FRMPD4: variants seen among roughly 807,000 people sequenced by gnomAD.
FRMPD4 encodes the protein FERM and PDZ domain containing 4, also known as FERM and PDZ domain-containing protein 4.
In FRMPD4, 22 loss-of-function variants were observed where a neutral mutation model predicts 94.1. The observed-to-expected ratio is 0.23, with a 90% CI of 0.17 to 0.33. The LOEUF (loss-of-function observed/expected upper bound fraction) is 0.33, where lower values mean the gene tolerates loss of function less well. Among genes scored for constraint, FRMPD4 ranks in the 10% least tolerant of loss-of-function variants. The pLI is 1.00. For synonymous variants in FRMPD4, 631 were observed against 548.6 expected (o/e 1.15, Z -2.10); for missense variants, 1,111 against 1,339.9 (o/e 0.83, Z 2.67).
intron 1 of FRMPD4, among the ~76,000 whole-genome samples, chrX:12,479,341 T>C (rs1337426148): frequency 4.1e-5 from 1 of 24,300 alleles, no homozygotes; most frequent in African/African-American, 1.4e-4. Context: ...TGAGCAACAG[T>C]CTGTATATAT....
At chrX:12,200,680 T>G (rs1404849666) in intron 1 of FRMPD4, among the ~76,000 whole-genome samples, 1 of 111,250 alleles carries the variant, frequency 9.0e-6, no homozygotes, top group African/African-American at 3.3e-5. Context: ...TAATGAGTTA[T>G]GGTGAAACTC....
intron 2 of FRMPD4, among the ~76,000 whole-genome samples, chrX:12,511,599 A>C (rs1195579697): frequency 8.9e-6 from 1 of 111,830 alleles, no homozygotes; most frequent in Non-Finnish European, 1.9e-5. Flanking sequence ...GAAGTAATCA[A>C]GTCAGAGGAT....
intron 4 of FRMPD4, among the ~76,000 whole-genome samples, chrX:12,640,161 T>C (rs1282963104): frequency 1.9e-5 from 2 of 108,041 alleles, no homozygotes; most frequent in East Asian, 2.9e-4. Flanking sequence ...TAGCCAGGCA[T>C]TGTGGCTCAC....
intron 1 of FRMPD4, among the ~76,000 whole-genome samples, chrX:11,849,204 A>G (rs893256004): frequency 4.5e-5 from 5 of 111,918 alleles, no homozygotes; most frequent in African/African-American, 1.6e-4. Context: ...TTCATTTACA[A>G]TAGCATCAAA....
At chrX:12,257,763 CTATTT>C (rs2054134957) in intron 1 of FRMPD4, among the ~76,000 whole-genome samples, 1 of 111,441 alleles carries the variant, frequency 9.0e-6, no homozygotes, top group Non-Finnish European at 1.9e-5. Context: ...CCCTGAAAAA[CTATTT>C]TAAGTAGTAC....
chrX:12,659,650 C>G (rs1256446261), intron 4 of FRMPD4, among the ~76,000 whole-genome samples: 2 of 112,753 alleles, frequency 1.8e-5, no homozygotes, highest in African/African-American at 3.2e-5. Context: ...TCCCAAATGC[C>G]TGGCCCCAGG....
chrX:12,390,616 G>A (rs771340653), intron 1 of FRMPD4, among the ~76,000 whole-genome samples: 95 of 111,651 alleles, frequency 8.5e-4, no homozygotes, highest in South Asian at 1.9e-3. Context: ...TGCAGAGAAG[G>A]CTAGAAATTG....
intron 1 of FRMPD4, among the ~76,000 whole-genome samples, chrX:11,844,391 C>T (rs1344678813): frequency 9.1e-6 from 1 of 110,460 alleles, no homozygotes; most frequent in Non-Finnish European, 1.9e-5. Context: ...TTGTGGTTGA[C>T]ATTTTATTTT....
intron 2 of FRMPD4, among the ~76,000 whole-genome samples, chrX:12,507,472 G>T (rs1289227222): frequency 8.9e-6 from 1 of 112,089 alleles, no homozygotes; most frequent in Non-Finnish European, 1.9e-5. Context: ...TGACCCATGA[G>T]CTATATAGTA....
At chrX:12,479,445 T>C (rs866289210) in intron 1 of FRMPD4, among the ~76,000 whole-genome samples, 2 of 54,576 alleles carry the variant, frequency 3.7e-5, no homozygotes, top group Admixed American at 4.5e-4. Flanking sequence ...CACACATATA[T>C]GTATATATAT....
intron 1 of FRMPD4, among the ~76,000 whole-genome samples, chrX:12,330,249 G>A (rs1414518452): frequency 3.6e-5 from 4 of 111,084 alleles, no homozygotes. Flanking sequence ...ATTAAATTAG[G>A]GAAGTAATGA....
intron 1 of FRMPD4, among the ~76,000 whole-genome samples, chrX:11,854,309 C>G (rs1254945411): frequency 1.8e-5 from 2 of 111,558 alleles, no homozygotes; most frequent in African/African-American, 6.5e-5. Context: ...GGTGGGGACA[C>G]AGCCAAACCA....
At chrX:12,232,786 CA>C (rs1245835287) in intron 1 of FRMPD4, among the ~76,000 whole-genome samples, 1 of 111,725 alleles carries the variant, frequency 9.0e-6, no homozygotes, top group Non-Finnish European at 1.9e-5. Flanking sequence ...ACCATATAAT[CA>C]GCGATGAGCT....
At chrX:12,525,684 C>T (rs2058215810) in intron 2 of FRMPD4, among the ~76,000 whole-genome samples, 1 of 112,113 alleles carries the variant, frequency 8.9e-6, no homozygotes, top group African/African-American at 3.2e-5. Flanking sequence ...AGTAAAATTG[C>T]TGGATCATAT....
chrX:12,659,606 G>T (rs945691176), intron 4 of FRMPD4, among the ~76,000 whole-genome samples: 1 of 112,604 alleles, frequency 8.9e-6, no homozygotes, highest in Non-Finnish European at 1.9e-5. Flanking sequence ...CCCCTATGGG[G>T]TAAAATCACT....
intron 1 of FRMPD4, among the ~76,000 whole-genome samples, chrX:12,279,118 T>G (rs2054487047): frequency 8.8e-6 from 1 of 113,187 alleles, no homozygotes; most frequent in African/African-American, 3.2e-5. Flanking sequence ...GGCCTGCTTT[T>G]GGGGAACCCA....
At chrX:11,829,143 T>C (rs886275124) in intron 1 of FRMPD4, among the ~76,000 whole-genome samples, 9 of 112,220 alleles carry the variant, frequency 8.0e-5, no homozygotes, top group African/African-American at 2.6e-4. Flanking sequence ...TTATTCAGTC[T>C]ACCAATTTAA....
intron 3 of FRMPD4, among the ~76,000 whole-genome samples, chrX:11,955,540 A>G (rs952245749): frequency 9.1e-6 from 1 of 110,170 alleles, no homozygotes; most frequent in Non-Finnish European, 1.9e-5. Context: ...TCACGAGGTC[A>G]GGAGATCGAG....
chrX:12,542,206 C>T (rs1291413252), intron 2 of FRMPD4, among the ~76,000 whole-genome samples: 1 of 111,577 alleles, frequency 9.0e-6, no homozygotes, highest in East Asian at 2.8e-4. Context: ...TCTCACCACT[C>T]CTATTCAACA....
Sources: allele counts gnomAD v4.1 joint callset (sites outside exome capture counted in the v4.1 genomes callset), GRCh38; gene constraint gnomAD v4.1.1; transcripts MANE v1.5; gene names NCBI Gene and HGNC (gene_info 2026-07-23, HGNC 2026-07-21).